Variants in LSS observed in about 807,000 individuals in gnomAD.
The protein encoded by LSS is 2,3-epoxysqualene-lanosterol cyclase.
Under a neutral mutation model 110.3 loss-of-function variants are expected in LSS, and 90 were observed. The ratio of observed to expected loss-of-function variants is 0.82; its 90% CI spans 0.69 to 0.97. The LOEUF (loss-of-function observed/expected upper bound fraction) is 0.97, where lower values mean the gene tolerates loss of function less well. Among genes scored for constraint, LSS ranks in the 50% least tolerant of loss-of-function variants. LSS has a pLI of 0.00. For synonymous variants in LSS, 433 were observed against 400.0 expected (o/e 1.08, Z -0.98); for missense variants, 927 against 990.0 (o/e 0.94, Z 0.85).
chr21:46,191,808 G>A, intron 21 of LSS, 73 bp downstream of exon 21: 1 of 1,274,684 alleles, frequency 7.8e-7, no homozygotes. Context: ...CACAGAGCAG[G>A]GGGACGTGGA....
At chr21:46,200,763 C>T (rs1414107573) in intron 17 of LSS, among the ~76,000 whole-genome samples, 6 of 152,136 alleles carry the variant, frequency 3.9e-5, no homozygotes, top group Non-Finnish European at 8.8e-5. Context: ...TAAAAATAAA[C>T]AAATGCAACC....
At chr21:46,202,229 C>A (rs989324238) in intron 17 of LSS, among the ~76,000 whole-genome samples, 1 of 143,974 alleles carries the variant, frequency 6.9e-6, no homozygotes, top group African/African-American at 2.5e-5. Context: ...CCCGTCTCTA[C>A]TAAAAATACA....
intron 6 of LSS, among the ~76,000 whole-genome samples, chr21:46,218,985 GA>G (rs1169607799): frequency 6.6e-6 from 1 of 152,078 alleles, no homozygotes; most frequent in East Asian, 1.9e-4. Context: ...TCGGCCTCCC[GA>G]AGTGCTGGGA....
intron 17 of LSS, among the ~76,000 whole-genome samples, chr21:46,203,311 T>C (rs1347305975): frequency 2.0e-5 from 3 of 152,012 alleles, no homozygotes; most frequent in East Asian, 3.9e-4. Flanking sequence ...CTGAGTAAAA[T>C]GACACAACAC....
At chr21:46,206,304 GGTCCCCACA>G (rs546074564) in intron 16 of LSS, among the ~76,000 whole-genome samples, 76 of 152,242 alleles carry the variant, frequency 5.0e-4, no homozygotes, top group African/African-American at 9.9e-4. Context: ...CCATGGCATG[GGTCCCCACA>G]GTCCCCACAG....
intron 17 of LSS, among the ~76,000 whole-genome samples, chr21:46,201,656 G>GT (rs2079979419): frequency 6.6e-6 from 1 of 152,116 alleles, no homozygotes; most frequent in Non-Finnish European, 1.5e-5. Context: ...GCACTTTTCA[G>GT]TATTTTTGTA....
rs79636523 is a variant in LSS, at chr21:46,189,562, C to G, written c.*1542G>C. ...GGCAAGGGAGCTGGACAGAAGACCC[C>G]AGAGGGTGCGGCACCTGGGTGAGAG... On this transcript the variant is annotated 3_prime_UTR_variant, in exon 22 of 22. Coordinates refer to ENST00000397728, the MANE Select transcript of LSS (RefSeq NM_002340.6). 4.7e-6 allele frequency: 2 copies of G among 425,822 alleles called. No homozygotes were observed. The highest frequency in any genetic ancestry group is 4.0e-5 in the African/African-American group (2 of 49,508). 26.4% of individuals were successfully genotyped at this position (425,822 alleles called of 1,614,324 possible).
At chr21:46,221,526 T>C (rs2080279151) in intron 5 of LSS, among the ~76,000 whole-genome samples, 1 of 152,058 alleles carries the variant, frequency 6.6e-6, no homozygotes, top group Admixed American at 6.5e-5. Context: ...CTGGCTAATA[T>C]TTTATTGTTT....
At position 46,194,550 on chromosome 21, in the gene LSS, C is replaced by G. The variant is rs767600468; in HGVS notation, c.1929G>C (p.Gln643His). Reference sequence around the variant, plus strand: ...TGTTATGGATCTGGGACTGGGCACTCTGCAAATAACGCCGCTCCTCGCAGG... The same window carrying G: ...TGTTATGGATCTGGGACTGGGCACTGTGCAAATAACGCCGCTCCTCGCAGG... ...FESCEERRYL[Q>H]SAQSQIHNTC... Residue 643 changes from glutamine (Q) to histidine (H), a missense_variant, in exon 20 of 22, where the codon CAG (glutamine) becomes CAC (histidine). Physicochemically the swap from Gln to His is conservative, Grantham distance 24 (BLOSUM62 0). Transcript: ENST00000397728. 5.6e-6 allele frequency: 9 copies of G among 1,613,750 alleles called. No individual in the cohort carries two copies. The highest frequency in any genetic ancestry group is 5.5e-5 in the South Asian group (5 of 91,082).
chr21:46,226,585 C>T (rs1297292739), intron 3 of LSS, among the ~76,000 whole-genome samples: 1 of 152,210 alleles, frequency 6.6e-6, no homozygotes, highest in Non-Finnish European at 1.5e-5. Flanking sequence ...AATAAATGTG[C>T]CTCAGCTTTC....
rs1012339233 is a variant in LSS, at chr21:46,209,848, C to A, written c.1195-223G>T. Reference sequence around the variant, plus strand: ...CTGAAGATGGAAGGGCGCAGGAGACCATTTATGGATGCCAGCACCCCCCTG... The same window carrying A: ...CTGAAGATGGAAGGGCGCAGGAGACAATTTATGGATGCCAGCACCCCCCTG... On this transcript the variant is annotated intron_variant, in intron 12 of 21. Coordinates refer to ENST00000397728, the MANE Select transcript of LSS (RefSeq NM_002340.6). The surrounding 1 kb of genome is among the most constrained non-coding windows in gnomAD (Gnocchi z 4.4). 9.9e-5 allele frequency among the ~76,000 whole-genome samples: 15 copies of A among 151,994 alleles called. No homozygotes were observed. The highest frequency in any genetic ancestry group is 2.9e-5 in the Non-Finnish European group (2 of 67,988).
intron 17 of LSS, among the ~76,000 whole-genome samples, chr21:46,203,782 A>G (rs1286266945): frequency 2.0e-5 from 3 of 152,200 alleles, no homozygotes; most frequent in East Asian, 1.9e-4. Context: ...ACATTCTCAG[A>G]TTGTAAATGA....
rs7282841 is a variant in LSS, at chr21:46,196,157, G to C, written c.1736+45C>G. 1,001,692 of 1,580,524 alleles carry C rather than the reference G, an allele frequency of 0.63. 318,883 individuals are homozygous for C. The highest frequency in any genetic ancestry group is 0.73 in the East Asian group (32,772 of 44,624). On this transcript the variant is annotated intron_variant, in intron 18 of 21. Coordinates refer to ENST00000397728, the MANE Select transcript of LSS (RefSeq NM_002340.6). ...ACGCAGTGTGTGAGAGCAGAAACCT[G>C]TGGATCCCGTGCATCTCTGCACTCA...
At chr21:46,213,366 GCGGAAGCTTCCCA>G (rs2080158604) in intron 10 of LSS, among the ~76,000 whole-genome samples, 6 of 152,234 alleles carry the variant, frequency 3.9e-5, no homozygotes, top group Admixed American at 3.9e-4. Context: ...GGCCTGTACA[GCGGAAGCTTCCCA>G]CCATGGGACG....
Position 46,196,216 on chromosome 21 carries a change from A to G in LSS, c.1722T>C (p.Asp574=), listed in dbSNP as rs746959782. 6.2e-7 allele frequency: 1 copy of G among 1,614,150 alleles called. No individual in the cohort carries two copies. The highest frequency in any genetic ancestry group is 8.5e-7 in the Non-Finnish European group (1 of 1,180,040). ...LEFCRRQQRA[D]GSWEGSWGVC... ...GGCTCACTCACCCTTCCCAGGAGCCATCGGCCCTCTGCTGCCGCCGACAGA... is the reference window on the plus strand; with the variant it reads ...GGCTCACTCACCCTTCCCAGGAGCCGTCGGCCCTCTGCTGCCGCCGACAGA... The change falls in exon 18 of 22, where the codon GAT becomes GAC. Residue 574 remains aspartate (D), a synonymous_variant. Transcript: ENST00000397728.
At chr21:46,217,701 C>T (rs968916456) in intron 6 of LSS, among the ~76,000 whole-genome samples, 2 of 152,214 alleles carry the variant, frequency 1.3e-5, no homozygotes, top group African/African-American at 2.4e-5. Flanking sequence ...CACTGACCGA[C>T]GGCCCCCCCA....
Position 46,225,857 on chromosome 21 carries a change from C to A in LSS, c.319+1695G>T, listed in dbSNP as rs898974080. On this transcript the variant is annotated intron_variant, in intron 3 of 21. Transcript: ENST00000397728. ...CCTTTGTCTTGTATCCAATAAATAT[C>A]AGCGCAGCCTGGCATTCAGGGCCAC... Among the ~76,000 whole-genome samples the A allele has an allele frequency of 2.2e-4, 33 of 152,126 alleles. 1 individual carries two copies. The highest frequency in any genetic ancestry group is 2.9e-5 in the Non-Finnish European group (2 of 68,012).
chr21:46,202,160 C>A (rs1252212434), intron 17 of LSS, among the ~76,000 whole-genome samples: 1 of 137,398 alleles, frequency 7.3e-6, no homozygotes, highest in Non-Finnish European at 1.6e-5. Context: ...TTTGGGAGGC[C>A]GAGGCGGGCG....
intron 17 of LSS, among the ~76,000 whole-genome samples, chr21:46,202,041 G>A (rs1213335122): frequency 3.4e-5 from 5 of 147,446 alleles, no homozygotes; most frequent in African/African-American, 7.4e-5. Context: ...TGATCCACCC[G>A]CCTCGGCCTC....
Sources: allele counts gnomAD v4.1 joint callset (sites outside exome capture counted in the v4.1 genomes callset), GRCh38; gene constraint gnomAD v4.1.1; non-coding constraint Gnocchi (gnomAD v3.1); transcripts MANE v1.5; gene names NCBI Gene and HGNC (gene_info 2026-07-23, HGNC 2026-07-21).